RARB: variants seen among roughly 807,000 people sequenced by gnomAD.
The protein encoded by RARB is HBV-activated protein.
A neutral mutation model predicts 51.9 loss-of-function variants in RARB; 17 were observed. The ratio of observed to expected loss-of-function variants is 0.33; its 90% confidence interval spans 0.22 to 0.49. The LOEUF is 0.49. Ranked by LOEUF, RARB falls within the 20% of genes least tolerant of loss-of-function variation. The pLI is 0.99. For missense variants in RARB, 369 were observed against 550.8 expected (o/e 0.67, Z 3.30); for synonymous variants, 215 against 195.4 (o/e 1.10, Z -0.84).
At chr3:24,890,456 A>G (rs895177909) in intron 2 of RARB, among the ~76,000 whole-genome samples, 2 of 152,166 alleles carry the variant, frequency 1.3e-5, no homozygotes, top group Non-Finnish European at 2.9e-5. Context: ...GTGAAGACGT[A>G]TGACTTTGTA....
intron 2 of RARB, among the ~76,000 whole-genome samples, chr3:25,485,477 G>A (rs1032575941): frequency 5.9e-5 from 9 of 152,154 alleles, no homozygotes; most frequent in Non-Finnish European, 1.3e-4. Flanking sequence ...AGGTTTAAAG[G>A]CCAATGTGCA....
intron 5 of RARB, among the ~76,000 whole-genome samples, chr3:25,213,701 T>C (rs1701752130): frequency 1.3e-5 from 2 of 152,342 alleles, no homozygotes; most frequent in South Asian, 4.1e-4. Flanking sequence ...AAGGCAGGCA[T>C]ACTGATGGCA....
intron 2 of RARB, among the ~76,000 whole-genome samples, chr3:24,978,273 T>C (rs1345054080): frequency 6.6e-6 from 1 of 152,216 alleles, no homozygotes; most frequent in East Asian, 1.9e-4. Context: ...TCTTATAAAA[T>C]GAGTTAGGGA....
chr3:24,929,621 G>C (rs1429536572), intron 2 of RARB, among the ~76,000 whole-genome samples: 1 of 152,068 alleles, frequency 6.6e-6, no homozygotes, highest in African/African-American at 2.4e-5. Context: ...AGATTCTGAA[G>C]ATGTAGGGTA....
intron 5 of RARB, among the ~76,000 whole-genome samples, chr3:25,205,745 C>CG (rs1701523706): frequency 6.7e-6 from 1 of 149,120 alleles, no homozygotes; most frequent in Admixed American, 6.6e-5. Flanking sequence ...ATATTAAAAA[C>CG]CTTTTTTTTT....
intron 5 of RARB, among the ~76,000 whole-genome samples, chr3:25,175,962 A>G (rs970052302): frequency 6.6e-6 from 1 of 152,220 alleles, no homozygotes; most frequent in Non-Finnish European, 1.5e-5. Flanking sequence ...TGTTCACTCA[A>G]TATGCAAATG....
At chr3:24,902,278 T>C (rs1046313916) in intron 2 of RARB, among the ~76,000 whole-genome samples, 1 of 152,216 alleles carries the variant, frequency 6.6e-6, no homozygotes, top group Admixed American at 6.5e-5. Flanking sequence ...TAAGTACATA[T>C]GTGGCATGCC....
At chr3:24,940,670 A>G (rs1559404687) in intron 2 of RARB, among the ~76,000 whole-genome samples, 1 of 152,108 alleles carries the variant, frequency 6.6e-6, no homozygotes, top group East Asian at 1.9e-4. Flanking sequence ...TAACCAGCCA[A>G]TCTAACTTAG....
intron 1 of RARB, 84 bp downstream of exon 1, chr3:25,428,972 C>T (rs1172971585): frequency 1.6e-5 from 22 of 1,416,822 alleles, no homozygotes; most frequent in East Asian, 2.4e-5. Flanking sequence ...AAATAAACTG[C>T]ATTGGTAGCA....
At chr3:25,544,358 G>A (rs1300499678) in intron 3 of RARB, among the ~76,000 whole-genome samples, 2 of 152,138 alleles carry the variant, frequency 1.3e-5, no homozygotes, top group African/African-American at 2.4e-5. Flanking sequence ...TTTTTTAAAT[G>A]ATACTTTTGT....
intron 2 of RARB, among the ~76,000 whole-genome samples, chr3:24,882,245 T>A (rs1459575460): frequency 1.3e-5 from 2 of 152,110 alleles, no homozygotes; most frequent in African/African-American, 4.8e-5. Flanking sequence ...CATAACTGAT[T>A]ACAGTCGGCC....
intron 3 of RARB, among the ~76,000 whole-genome samples, chr3:25,105,082 A>T (rs768683466): frequency 2.1e-4 from 32 of 152,190 alleles, no homozygotes; most frequent in Admixed American, 3.3e-4. Flanking sequence ...AAAATTCTTG[A>T]TTTAGAAAAA....
chr3:25,258,734 G>A lies in RARB; in HGVS notation c.178+84159G>A, dbSNP rs529804365. The stretch of plus-strand genomic sequence containing the variant: ...GCTGCATCTCCTGGCTTCTGGAGAG[G>A]GCTTTATGCTACCTCATAACACAGG... On this transcript the variant is annotated intron_variant, in intron 5 of 11. Coordinates refer to the RARB transcript ENST00000383772. 2.6e-5 allele frequency among the ~76,000 whole-genome samples: 4 copies of A among 152,198 alleles called. No individual in the cohort carries two copies. In the East Asian group the frequency reaches 7.7e-4, roughly 29 times the overall value.
intron 5 of RARB, among the ~76,000 whole-genome samples, chr3:25,408,118 A>T (rs376934846): frequency 3.9e-5 from 6 of 152,204 alleles, no homozygotes. Flanking sequence ...GACCAAACCC[A>T]AAATAAAAAT....
intron 2 of RARB, among the ~76,000 whole-genome samples, chr3:24,982,256 G>A (rs1380855904): frequency 6.6e-6 from 1 of 152,188 alleles, no homozygotes; most frequent in Admixed American, 6.5e-5. Context: ...AGACCAGGCT[G>A]CAACTCTGAA....
rs1342983280 is a variant in RARB at position 25,106,467 on chromosome 3, TGTTTTG to T, written c.-327-25693_-327-25688del. 7.1e-4 allele frequency among the ~76,000 whole-genome samples: 85 copies of T among 120,130 alleles called. 4 individuals carry two copies. The highest frequency in any genetic ancestry group is 1.1e-3 in the Non-Finnish European group (67 of 58,686). 78.8% of individuals were successfully genotyped at this position (120,130 alleles called of 152,430 possible). On this transcript the variant is annotated intron_variant, in intron 3 of 11. Coordinates refer to the RARB transcript ENST00000383772. ...CTGTTTTTTGTTTTTTGTTTTTTTTTGTTTTGTTTTTTTTTTGTAGAGACAGGGTTT... is the reference window on the plus strand; with the variant it reads ...CTGTTTTTTGTTTTTTGTTTTTTTTTTTTTTTTTTTGTAGAGACAGGGTTT...
At chr3:24,945,458 G>A (rs1397575380) in intron 2 of RARB, among the ~76,000 whole-genome samples, 1 of 152,164 alleles carries the variant, frequency 6.6e-6, no homozygotes, top group Non-Finnish European at 1.5e-5. Context: ...GGAGTTTGAG[G>A]GGATGGTTGA....
intron 2 of RARB, among the ~76,000 whole-genome samples, chr3:24,910,045 AC>A (rs1488888910): frequency 1.3e-5 from 2 of 152,190 alleles, no homozygotes; most frequent in African/African-American, 4.8e-5. Context: ...TAGGTATGTT[AC>A]CATTTTATTT....
chr3:25,451,996 AG>A (rs1709214083), intron 1 of RARB, among the ~76,000 whole-genome samples: 1 of 152,214 alleles, frequency 6.6e-6, no homozygotes, highest in South Asian at 2.1e-4. Context: ...AAAACTCTTC[AG>A]GGGACCTCAA....
Sources: gnomAD v4.1 joint callset for allele counts (sites outside exome capture counted in the v4.1 genomes callset) on GRCh38, gnomAD v4.1.1 for gene constraint, MANE v1.5 for transcripts, NCBI Gene and HGNC (gene_info 2026-07-23, HGNC 2026-07-21) for gene names.